RAP1GDS1: variants seen among roughly 807,000 people sequenced by gnomAD.
The protein encoded by RAP1GDS1 is RAP1, GTP-GDP dissociation stimulator 1.
A neutral mutation model predicts 71.1 loss-of-function variants in RAP1GDS1; 35 were observed. That is an observed-to-expected ratio of 0.49 (90% confidence interval 0.38 to 0.65). The LOEUF is 0.65. Among genes scored for constraint, RAP1GDS1 ranks in the 30% least tolerant of loss-of-function variants. The pLI is 0.00. For synonymous variants in RAP1GDS1, 229 were observed against 243.1 expected (o/e 0.94, Z 0.54); for missense variants, 663 against 706.1 (o/e 0.94, Z 0.69).
intron 14 of RAP1GDS1, among the ~76,000 whole-genome samples, chr4:98,438,744 C>T (rs1350170391): frequency 6.6e-6 from 1 of 151,460 alleles, no homozygotes; most frequent in Admixed American, 6.6e-5. Context: ...AGATGCCTGC[C>T]ACATCACACC....
chr4:98,278,376 G>A (rs1383781806), intron 1 of RAP1GDS1, among the ~76,000 whole-genome samples: 1 of 151,976 alleles, frequency 6.6e-6, no homozygotes, highest in East Asian at 1.9e-4. Context: ...TATCTGAATT[G>A]CTAAAGATTT....
intron 6 of RAP1GDS1, 118 bp from the exon 7 acceptor site, chr4:98,404,359 C>T: frequency 3.2e-6 from 3 of 942,532 alleles, no homozygotes; most frequent in Non-Finnish European, 4.4e-6. Flanking sequence ...TTGATTGTTC[C>T]CATATTTGAA....
chr4:98,276,256 A>G (rs1259071915), intron 1 of RAP1GDS1, among the ~76,000 whole-genome samples: 1 of 152,118 alleles, frequency 6.6e-6, no homozygotes, highest in Non-Finnish European at 1.5e-5. Context: ...TCACCTCTCA[A>G]AGGCCCTACC....
At chr4:98,361,289 T>G (rs946562746) in intron 4 of RAP1GDS1, among the ~76,000 whole-genome samples, 1 of 151,912 alleles carries the variant, frequency 6.6e-6, no homozygotes, top group Non-Finnish European at 1.5e-5. Flanking sequence ...ACCTTTTATA[T>G]TTAAAATATT....
chr4:98,443,775 ATATTT>A lies in RAP1GDS1; in HGVS notation c.*1663_*1667del, dbSNP rs919754885. On this transcript the variant is annotated 3_prime_UTR_variant, in exon 15 of 15. Coordinates refer to ENST00000408927, the MANE Select transcript of RAP1GDS1 (RefSeq NM_001100427.2). ...TTTCTCCTGGGCTGGATAGTGGACT[ATATTT>A]TATTACAGGCTTTGAAAGACATCTG... 5.4e-6 allele frequency: 1 copy of A among 186,790 alleles called. No individual in the cohort carries two copies. The highest frequency in any genetic ancestry group is 6.2e-5 in the Admixed American group (1 of 16,110). 11.6% of individuals were successfully genotyped at this position (186,790 alleles called of 1,614,324 possible). A position where few individuals can be genotyped will look rare whatever the true frequency, so the allele number is the denominator to read the frequency against.
intron 4 of RAP1GDS1, among the ~76,000 whole-genome samples, chr4:98,366,033 G>A (rs2110454274): frequency 6.6e-6 from 1 of 152,238 alleles, no homozygotes; most frequent in South Asian, 2.1e-4. Flanking sequence ...AAATACAAGT[G>A]GTGGTTCTCT....
chr4:98,327,746 G>T (rs992936517), intron 2 of RAP1GDS1, among the ~76,000 whole-genome samples: 2 of 152,176 alleles, frequency 1.3e-5, no homozygotes, highest in Non-Finnish European at 2.9e-5. Flanking sequence ...GGTGATTGGT[G>T]ACCAGGAATC....
intron 2 of RAP1GDS1, among the ~76,000 whole-genome samples, chr4:98,337,815 A>T (rs1191971562): frequency 6.6e-6 from 1 of 152,180 alleles, no homozygotes; most frequent in Non-Finnish European, 1.5e-5. Context: ...AGTATGGATT[A>T]CTATAAGTAA....
intron 4 of RAP1GDS1, among the ~76,000 whole-genome samples, chr4:98,358,354 A>G (rs922823342): frequency 6.6e-6 from 1 of 152,096 alleles, no homozygotes. Context: ...AATCTGGGAA[A>G]TAATACTGAG....
chr4:98,392,656 A>G (rs1743887471), intron 6 of RAP1GDS1, among the ~76,000 whole-genome samples: 1 of 152,132 alleles, frequency 6.6e-6, no homozygotes, highest in African/African-American at 2.4e-5. Context: ...ATCCGACATC[A>G]TGCCACTGCA....
chr4:98,302,733 A>T (rs901091888), intron 2 of RAP1GDS1, among the ~76,000 whole-genome samples: 2 of 152,188 alleles, frequency 1.3e-5, no homozygotes, highest in Non-Finnish European at 2.9e-5. Context: ...CAAGGCCTCC[A>T]TGCAAAAATA....
At chr4:98,313,093 A>G (rs944545988) in intron 2 of RAP1GDS1, among the ~76,000 whole-genome samples, 3 of 148,006 alleles carry the variant, frequency 2.0e-5, no homozygotes, top group South Asian at 2.1e-4. Context: ...AAAAAAAAAA[A>G]AAAAGAAATT....
chr4:98,348,954 A>T (rs1488311737), intron 3 of RAP1GDS1, among the ~76,000 whole-genome samples: 3 of 152,204 alleles, frequency 2.0e-5, no homozygotes, highest in Non-Finnish European at 4.4e-5. Context: ...TTTGCAATGC[A>T]GAAGCTCTTT....
chr4:98,429,288 A>T (rs1295472962), intron 12 of RAP1GDS1, among the ~76,000 whole-genome samples: 1 of 151,348 alleles, frequency 6.6e-6, no homozygotes, highest in Non-Finnish European at 1.5e-5. Context: ...AGAAACTATG[A>T]TGTGTATATA....
At chr4:98,352,127 C>G (rs1021303225) in intron 3 of RAP1GDS1, among the ~76,000 whole-genome samples, 2 of 151,828 alleles carry the variant, frequency 1.3e-5, no homozygotes, top group Non-Finnish European at 2.9e-5. Flanking sequence ...AAATACATCG[C>G]CATTGTTTCC....
chr4:98,315,558 G>A (rs1730816267), intron 2 of RAP1GDS1, among the ~76,000 whole-genome samples: 1 of 152,088 alleles, frequency 6.6e-6, no homozygotes, highest in African/African-American at 2.4e-5. Context: ...TAAGCAAAGG[G>A]AGAGTATATA....
intron 4 of RAP1GDS1, among the ~76,000 whole-genome samples, chr4:98,369,074 A>G (rs1240759197): frequency 4.6e-5 from 7 of 152,130 alleles, no homozygotes; most frequent in Non-Finnish European, 8.8e-5. Flanking sequence ...CAGGCAAGAG[A>G]GCTTGTGCAG....
At chr4:98,334,889 G>T (rs1578484830) in intron 2 of RAP1GDS1, among the ~76,000 whole-genome samples, 1 of 129,750 alleles carries the variant, frequency 7.7e-6, no homozygotes, top group Non-Finnish European at 1.6e-5. Flanking sequence ...ATCAACACCA[G>T]TAGGAAAATC....
intron 5 of RAP1GDS1, 66 bp from the exon 6 acceptor site, chr4:98,391,886 C>G (rs937402178): frequency 7.1e-7 from 1 of 1,408,516 alleles, no homozygotes; most frequent in East Asian, 2.4e-5. Flanking sequence ...GTGTTTTCTT[C>G]TTATAATGTT....
Sources: gnomAD v4.1 joint callset for allele counts (sites outside exome capture counted in the v4.1 genomes callset) on GRCh38, gnomAD v4.1.1 for gene constraint, MANE v1.5 for transcripts, NCBI Gene and HGNC (gene_info 2026-07-23, HGNC 2026-07-21) for gene names.